The following TRHDE variants were observed in gnomAD, a reference collection of about 807,000 sequenced individuals.
TRHDE encodes thyrotropin releasing hormone degrading enzyme.
TRHDE carries 72 observed loss-of-function variants against 125.7 expected under a neutral mutation model. The ratio of observed to expected loss-of-function variants is 0.57; its 90% CI spans 0.47 to 0.70. TRHDE has a LOEUF of 0.70. Ranked by LOEUF, TRHDE falls within the 30% of genes least tolerant of loss-of-function variation. The pLI is 0.00. For missense variants in TRHDE, 1,110 were observed against 1,327.1 expected (o/e 0.84, Z 2.54); for synonymous variants, 509 against 509.1 (o/e 1.00, Z 0.00).
At chr12:72,624,829 G>A (rs1280118359) in intron 15 of TRHDE, among the ~76,000 whole-genome samples, 2 of 151,810 alleles carry the variant, frequency 1.3e-5, no homozygotes, top group Non-Finnish European at 2.9e-5. Flanking sequence ...TTTCAAAAAG[G>A]AGACAAATTG....
chr12:72,256,108 T>G (rs2139390649), intron 2 of TRHDE: 1 of 152,328 alleles, frequency 6.6e-6, no homozygotes, highest in South Asian at 2.1e-4. Flanking sequence ...AGGTCAAAAG[T>G]TGACCATCCA....
Position 72,262,572 on chromosome 12 carries a change from C to T in TRHDE, n.280-115423C>T, listed in dbSNP as rs535871014. 5 of 152,230 alleles carry T rather than the reference C, an allele frequency of 3.3e-5. No individual in the cohort carries two copies. The East Asian group carries it at 9.7e-4, about 29-fold the overall frequency. 9.4% of individuals were successfully genotyped at this position (152,230 alleles called of 1,614,324 possible). On this transcript the variant is annotated intron_variant and non_coding_transcript_variant, in intron 2 of 4. Coordinates refer to the TRHDE transcript ENST00000548156. The stretch of plus-strand genomic sequence containing the variant: ...TTAGCATAGTGATAACACTTTTATT[C>T]AGACCATATAGAAACATGAACATTC...
chr12:72,352,186 G>T (rs1870611798), intron 2 of TRHDE, among the ~76,000 whole-genome samples: 2 of 151,406 alleles, frequency 1.3e-5, no homozygotes, highest in African/African-American at 4.8e-5. Context: ...AGCTTAAATT[G>T]AATGATTGAC....
intron 3 of TRHDE, among the ~76,000 whole-genome samples, chr12:72,411,323 A>G (rs191498450): frequency 6.6e-6 from 1 of 152,222 alleles, no homozygotes; most frequent in African/African-American, 2.4e-5. Context: ...GTGCATATTA[A>G]TATACAGTAA....
chr12:72,661,589 A>G (rs548008115), intron 18 of TRHDE, among the ~76,000 whole-genome samples: 1 of 152,278 alleles, frequency 6.6e-6, no homozygotes, highest in Admixed American at 6.5e-5. Context: ...ATATATAAGT[A>G]CAAATGTATT....
chr12:72,308,883 C>T (rs1204116286), intron 2 of TRHDE, among the ~76,000 whole-genome samples: 3 of 152,010 alleles, frequency 2.0e-5, no homozygotes, highest in African/African-American at 7.2e-5. Flanking sequence ...CAATTTAGTG[C>T]CTAGTTGCAT....
chr12:72,553,902 A>G (rs1869798694), intron 7 of TRHDE, among the ~76,000 whole-genome samples: 1 of 144,778 alleles, frequency 6.9e-6, no homozygotes, highest in Non-Finnish European at 1.5e-5. Context: ...AGGCTGGAGT[A>G]CAATGGTACA....
chr12:72,638,746 T>G (rs1873888084), intron 15 of TRHDE, among the ~76,000 whole-genome samples: 1 of 151,808 alleles, frequency 6.6e-6, no homozygotes, highest in Non-Finnish European at 1.5e-5. Context: ...AAGTATTTTA[T>G]TTCTCCTTCA....
chr12:72,563,796 G>GC (rs1444741171), intron 9 of TRHDE, among the ~76,000 whole-genome samples: 2 of 151,402 alleles, frequency 1.3e-5, no homozygotes, highest in Admixed American at 6.6e-5. Flanking sequence ...TCCAGTGAGG[G>GC]CTGGGGGCGG....
At position 72,652,448 on chromosome 12, in the gene TRHDE, G is replaced by A; in HGVS notation, c.2802G>A (p.Leu934=). The change falls in exon 16 of 19, where the codon TTG becomes TTA. Residue 934 remains leucine, a synonymous_variant. Coordinates refer to ENST00000261180, the MANE Select transcript of TRHDE (RefSeq NM_013381.3). ...CAGTTTCTGAGAAGAAAATATTATT[G>A]GAAGCCTTAACTTGCAGTGATGACA... ...TTAVSEKKIL[L]EALTCSDDRN... 1 of 1,608,230 alleles carries A rather than the reference G, an allele frequency of 6.2e-7. No individual in the cohort carries two copies. The highest frequency in any genetic ancestry group is 8.5e-7 in the Non-Finnish European group (1 of 1,176,956).
chr12:72,226,685 AATC>A (rs1387393989), intron 2 of TRHDE, among the ~76,000 whole-genome samples: 2 of 152,216 alleles, frequency 1.3e-5, no homozygotes, highest in African/African-American at 4.8e-5. Context: ...TGATAAATAG[AATC>A]ATCATTTAAA....
intron 12 of TRHDE, among the ~76,000 whole-genome samples, chr12:72,597,453 A>T (rs1040004682): frequency 6.6e-6 from 1 of 151,998 alleles, no homozygotes; most frequent in East Asian, 1.9e-4. Context: ...AGATCACCTG[A>T]GGTCAGGAGT....
At chr12:72,177,743 C>A (rs1428990616) in intron 2 of TRHDE, among the ~76,000 whole-genome samples, 1 of 151,822 alleles carries the variant, frequency 6.6e-6, no homozygotes. Context: ...TGGAATTATC[C>A]CCCAAATGTG....
At position 72,413,979 on chromosome 12, in the gene TRHDE, G is replaced by A. The variant is rs555639359; in HGVS notation, c.1315+35858G>A. Among the ~76,000 whole-genome samples the A allele has an allele frequency of 3.9e-5, 6 of 152,132 alleles. No homozygotes were observed. In the South Asian group the frequency reaches 1.2e-3, roughly 32 times the overall value. The stretch of plus-strand genomic sequence containing the variant: ...TAAGTATGCTAGCTCTTAGTAAGGT[G>A]ACTTTTAAAGAGTAAATCTTTTAAA... On this transcript the variant is annotated intron_variant, in intron 3 of 18. Transcript: ENST00000261180.
chr12:72,616,912 T>G (rs539253585), intron 12 of TRHDE, among the ~76,000 whole-genome samples: 1 of 152,218 alleles, frequency 6.6e-6, no homozygotes, highest in Non-Finnish European at 1.5e-5. Flanking sequence ...AGAGACAAAT[T>G]ACAAAATCTG....
chr12:72,469,519 G>A (rs949795965), intron 3 of TRHDE, among the ~76,000 whole-genome samples: 25 of 152,118 alleles, frequency 1.6e-4, no homozygotes, highest in Admixed American at 1.3e-3. Flanking sequence ...GATACTTCCA[G>A]CTACCTATAG....
intron 6 of TRHDE, among the ~76,000 whole-genome samples, chr12:72,510,223 A>G (rs1186634466): frequency 6.6e-6 from 1 of 152,208 alleles, no homozygotes; most frequent in African/African-American, 2.4e-5. Flanking sequence ...ACAGCGAATC[A>G]GTTACATATA....
At chr12:72,097,767 T>A (rs973887479) in intron 1 of TRHDE, among the ~76,000 whole-genome samples, 3 of 152,146 alleles carry the variant, frequency 2.0e-5, no homozygotes, top group South Asian at 2.1e-4. Context: ...GACTATTTTA[T>A]TGTCAGCTCC....
rs374997300 is a variant in TRHDE at position 72,097,730 on chromosome 12, C to T, written n.175-7918C>T. On this transcript the variant is annotated intron_variant and non_coding_transcript_variant, in intron 1 of 4. Transcript: ENST00000548156. The stretch of plus-strand genomic sequence containing the variant: ...CCTCCCAAAGTGCTGGGATTAGAGG[C>T]GTGAGCCACTGCACCTAATCTTCAT... Among the ~76,000 whole-genome samples, 17 of 152,268 alleles carry T rather than the reference C, an allele frequency of 1.1e-4. No individual in the cohort carries two copies. The South Asian group carries it at 3.1e-3, about 28-fold the overall frequency.
Sources: allele counts gnomAD v4.1 joint callset (sites outside exome capture counted in the v4.1 genomes callset), GRCh38; gene constraint gnomAD v4.1.1; transcripts MANE v1.5; gene names NCBI Gene and HGNC (gene_info 2026-07-23, HGNC 2026-07-21).